KIF26B: variants seen among roughly 807,000 people sequenced by gnomAD.
KIF26B encodes kinesin-like protein KIF26B.
Under a neutral mutation model 151.2 loss-of-function variants are expected in KIF26B, and 63 were observed. That is an observed-to-expected ratio of 0.42 (90% confidence interval 0.34 to 0.51). The LOEUF (loss-of-function observed/expected upper bound fraction) is 0.51, where lower values mean the gene tolerates loss of function less well. Ranked by LOEUF, KIF26B falls within the 20% of genes least tolerant of loss-of-function variation. The pLI, the probability that KIF26B is intolerant of heterozygous loss-of-function variation, is 0.07. For synonymous variants in KIF26B, 1,357 were observed against 1,262.1 expected (o/e 1.08, Z -1.59); for missense variants, 2,813 against 2,913.6 (o/e 0.97, Z 0.79).
chr1:245,425,021 C>G (rs1658586314), intron 4 of KIF26B, among the ~76,000 whole-genome samples: 2 of 150,382 alleles, frequency 1.3e-5, no homozygotes, highest in Admixed American at 1.3e-4. Flanking sequence ...AGTTGGTTAA[C>G]TATTATGTGC....
chr1:245,268,426 A>C (rs10802201), intron 2 of KIF26B, among the ~76,000 whole-genome samples: 72,306 of 149,854 alleles, frequency 0.48, 17,845 homozygotes, highest in East Asian at 0.59. Flanking sequence ...CCGAGATCAC[A>C]CCACTGGACT....
intron 9 of KIF26B, among the ~76,000 whole-genome samples, chr1:245,637,965 G>A (rs1346306457): frequency 6.6e-6 from 1 of 151,894 alleles, no homozygotes; most frequent in Non-Finnish European, 1.5e-5. Context: ...TTTTTGGTCA[G>A]TATTGATTTA....
rs2044876135 is a variant in KIF26B, at chr1:245,709,119, T to A, written c.*6513T>A. 6.6e-6 allele frequency: 1 copy of A among 152,218 alleles called. No individual in the cohort carries two copies. Among genetic ancestry groups the A allele is most frequent in the African/African-American group, 2.4e-5 (1 of 41,452 alleles). 9.4% of individuals were successfully genotyped at this position (152,218 alleles called of 1,614,324 possible). Reference sequence around the variant, plus strand: ...TTCAACTCTTCTGTACTTGGGCAGGTCCCAGCAGCCCCTTGGCAGGCTAGT... The same window carrying A: ...TTCAACTCTTCTGTACTTGGGCAGGACCCAGCAGCCCCTTGGCAGGCTAGT... On this transcript the variant is annotated 3_prime_UTR_variant, in exon 15 of 15. Transcript: ENST00000407071.
At chr1:245,620,302 A>G (rs2043643801) in intron 9 of KIF26B, among the ~76,000 whole-genome samples, 1 of 152,194 alleles carries the variant, frequency 6.6e-6, no homozygotes, top group Non-Finnish European at 1.5e-5. Flanking sequence ...AAGAGCTTAA[A>G]AAAACACTTT....
rs140278255 is a variant in KIF26B at position 245,276,257 on chromosome 1, C to T, written c.466-90577C>T. 4.7e-3 allele frequency among the ~76,000 whole-genome samples: 712 copies of T among 152,110 alleles called. 6 individuals carry two copies. Among genetic ancestry groups the T allele is most frequent in the African/African-American group, 0.016 (683 of 41,516 alleles). On this transcript the variant is annotated intron_variant, in intron 2 of 14. Coordinates refer to ENST00000407071, the MANE Select transcript of KIF26B (RefSeq NM_018012.4). The stretch of plus-strand genomic sequence containing the variant: ...GGCTGAGGCAGGAGAATCACTTGAA[C>T]TCGAGAGGCAGAGGTTGCAGTGAGT...
chr1:245,416,482 G>C (rs1204278119), intron 3 of KIF26B, among the ~76,000 whole-genome samples: 3 of 152,198 alleles, frequency 2.0e-5, no homozygotes. Context: ...GTATACAGTG[G>C]TGAGCAAACC....
chr1:245,459,031 A>T (rs1558174155), intron 4 of KIF26B, among the ~76,000 whole-genome samples: 2 of 152,216 alleles, frequency 1.3e-5, no homozygotes, highest in Admixed American at 6.5e-5. Context: ...GGAGCATGTC[A>T]TGAGTCAGGC....
chr1:245,599,581 A>T (rs2043370038), intron 5 of KIF26B, among the ~76,000 whole-genome samples: 1 of 152,228 alleles, frequency 6.6e-6, no homozygotes, highest in Non-Finnish European at 1.5e-5. Flanking sequence ...CAGAAATTGC[A>T]TGCAAAATTG....
At chr1:245,631,210 A>G (rs1558244003) in intron 9 of KIF26B, among the ~76,000 whole-genome samples, 1 of 152,190 alleles carries the variant, frequency 6.6e-6, no homozygotes. Flanking sequence ...TCCAGTTCTT[A>G]GAAAAAAAAG....
chr1:245,441,477 G>T (rs1170446399), intron 4 of KIF26B, among the ~76,000 whole-genome samples: 5 of 152,028 alleles, frequency 3.3e-5, no homozygotes, highest in Admixed American at 6.6e-5. Context: ...TGTAATTGTA[G>T]AATTTTCTGA....
At chr1:245,202,464 A>G (rs1669316320) in intron 2 of KIF26B, among the ~76,000 whole-genome samples, 1 of 152,270 alleles carries the variant, frequency 6.6e-6, no homozygotes. Flanking sequence ...TCTGTTTGAA[A>G]ATGGGTTGAA....
intron 2 of KIF26B, among the ~76,000 whole-genome samples, chr1:245,274,857 G>T (rs1341547391): frequency 1.3e-5 from 2 of 152,106 alleles, no homozygotes; most frequent in Non-Finnish European, 2.9e-5. Flanking sequence ...GGATTGCTGG[G>T]TCAGATGATA....
At chr1:245,666,024 C>CG (rs2044210406) in intron 10 of KIF26B, among the ~76,000 whole-genome samples, 1 of 83,538 alleles carries the variant, frequency 1.2e-5, no homozygotes, top group Non-Finnish European at 2.5e-5. Flanking sequence ...TTTTTTGAGA[C>CG]GGAGTCTCTC....
chr1:245,242,939 C>T (rs182745075), intron 2 of KIF26B, among the ~76,000 whole-genome samples: 102 of 152,266 alleles, frequency 6.7e-4, no homozygotes, highest in Admixed American at 2.7e-3. Context: ...CATGAGCCAC[C>T]GCGCCCAGCC....
intron 10 of KIF26B, among the ~76,000 whole-genome samples, chr1:245,663,493 T>C (rs189030755): frequency 6.6e-6 from 1 of 152,292 alleles, no homozygotes; most frequent in Admixed American, 6.5e-5. Flanking sequence ...CATTCTTGCA[T>C]CTGTGGTTTC....
intron 5 of KIF26B, among the ~76,000 whole-genome samples, chr1:245,555,184 A>T (rs1661989179): frequency 6.6e-6 from 1 of 152,106 alleles, no homozygotes; most frequent in African/African-American, 2.4e-5. Flanking sequence ...AGATTCTTGG[A>T]TAATGTGTGT....
chr1:245,258,639 G>A (rs780032472), intron 2 of KIF26B, among the ~76,000 whole-genome samples: 9 of 152,150 alleles, frequency 5.9e-5, no homozygotes, highest in African/African-American at 1.7e-4. Flanking sequence ...GAGCTGTGGC[G>A]TCTCATTCCA....
At chr1:245,391,670 A>G (rs1216981423) in intron 3 of KIF26B, among the ~76,000 whole-genome samples, 4 of 151,984 alleles carry the variant, frequency 2.6e-5, no homozygotes, top group Admixed American at 6.6e-5. Flanking sequence ...AAAAAAAAAA[A>G]AAAGAGAGAG....
intron 5 of KIF26B, among the ~76,000 whole-genome samples, chr1:245,558,583 C>G (rs1662091631): frequency 6.6e-6 from 1 of 151,872 alleles, no homozygotes; most frequent in Non-Finnish European, 1.5e-5. Context: ...AGAGTTTGTC[C>G]TTCTTTGAAC....
Sources: allele counts gnomAD v4.1 joint callset (sites outside exome capture counted in the v4.1 genomes callset), GRCh38; gene constraint gnomAD v4.1.1; transcripts MANE v1.5; gene names NCBI Gene and HGNC (gene_info 2026-07-23, HGNC 2026-07-21).